The following ADAMTS12 variants were observed in gnomAD, a reference collection of about 807,000 sequenced individuals.
ADAMTS12 encodes A disintegrin and metalloproteinase with thrombospondin motifs 12.
ADAMTS12 carries 118 observed loss-of-function variants against 167.8 expected under a neutral mutation model. The ratio of observed to expected loss-of-function variants is 0.70; its 90% CI spans 0.61 to 0.82. The LOEUF is 0.82. Ranked by LOEUF, ADAMTS12 falls within the 40% of genes least tolerant of loss-of-function variation. The probability of loss-of-function intolerance (pLI) is 0.00; values close to 1 mark genes in which losing one functional copy is unlikely to be tolerated. For synonymous variants in ADAMTS12, 704 were observed against 716.9 expected, an observed-to-expected ratio of 0.98 and a Z score of 0.29; for missense variants, 1,916 against 1,998.8, an observed-to-expected ratio of 0.96 and a Z score of 0.79.
intron 5 of ADAMTS12, among the ~76,000 whole-genome samples, chr5:33,672,329 CACACACATACAT>C (rs1282950991): frequency 6.6e-6 from 1 of 151,362 alleles, no homozygotes; most frequent in African/African-American, 2.4e-5. Flanking sequence ...TCCACATACA[CACACACATACAT>C]ACACACACAT....
chr5:33,751,601 T>A (rs1744984182), intron 2 of ADAMTS12, 53 bp from the exon 3 acceptor site: 1 of 1,575,452 alleles, frequency 6.3e-7, no homozygotes, highest in African/African-American at 1.4e-5. Flanking sequence ...ACATACCTAC[T>A]AAAAACAAAG....
At chr5:33,843,860 G>A (rs1748841313) in intron 2 of ADAMTS12, among the ~76,000 whole-genome samples, 1 of 152,168 alleles carries the variant, frequency 6.6e-6, no homozygotes, top group African/African-American at 2.4e-5. Flanking sequence ...TACACAGAAT[G>A]GCACACAATT....
chr5:33,867,239 GA>G (rs1277973204), intron 2 of ADAMTS12, among the ~76,000 whole-genome samples: 2 of 152,106 alleles, frequency 1.3e-5, no homozygotes, highest in Non-Finnish European at 2.9e-5. Context: ...AATGGATAAA[GA>G]AAATGTGGTA....
chr5:33,861,824 C>G (rs1749628017), intron 2 of ADAMTS12, among the ~76,000 whole-genome samples: 1 of 152,148 alleles, frequency 6.6e-6, no homozygotes, highest in South Asian at 2.1e-4. Flanking sequence ...TCATAACAAA[C>G]AGACTCTCAG....
rs939073319 is a variant in ADAMTS12, at chr5:33,525,461, A to G, written c.*1727T>C. ...AAAAAAATAAAAAGCACATAATATT[A>G]AATCTTAAATTCAAGGTACCCAAGC... On this transcript the variant is annotated 3_prime_UTR_variant, in exon 24 of 24. Transcript: ENST00000504830. 2.0e-5 allele frequency: 3 copies of G among 152,318 alleles called. No individual in the cohort carries two copies. The highest frequency in any genetic ancestry group is 7.2e-5 in the African/African-American group (3 of 41,572). The allele number at this position is 152,318 out of a possible 1,614,324, so 9.4% of individuals were successfully genotyped here. A position where few individuals can be genotyped will look rare whatever the true frequency, so the allele number is the denominator to read the frequency against.
chr5:33,828,929 T>G (rs559418152), intron 2 of ADAMTS12, among the ~76,000 whole-genome samples: 1 of 152,136 alleles, frequency 6.6e-6, no homozygotes, highest in Non-Finnish European at 1.5e-5. Context: ...ATTTATCTTT[T>G]CCTATTGAAA....
At chr5:33,751,777 T>C (rs1327231570) in intron 2 of ADAMTS12, among the ~76,000 whole-genome samples, 7 of 152,328 alleles carry the variant, frequency 4.6e-5, no homozygotes, top group Non-Finnish European at 7.4e-5. Flanking sequence ...TGTGACCTTA[T>C]TGAAAAAAGT....
intron 3 of ADAMTS12, among the ~76,000 whole-genome samples, chr5:33,697,853 T>G (rs1484031441): frequency 6.6e-6 from 1 of 152,272 alleles, no homozygotes; most frequent in Non-Finnish European, 1.5e-5. Context: ...GAATAAAGGT[T>G]CTCATGCCCC....
At position 33,549,308 on chromosome 5, in the gene ADAMTS12, T is replaced by C. The variant is rs773706720; in HGVS notation, c.4201A>G (p.Arg1401Gly). ...GCCAGGAACTGGCAGTGAAATGGCC[T>C]CAGGTTCCGGTGGTCCCGGCTGTCC... ...CVDSRDHRNL[R>G]PFHCQFLAGI... is the part of the protein sequence containing the mutation. The change falls in exon 21 of 24, where the codon AGG (arginine) becomes GGG (glycine). Residue 1401 changes from arginine to glycine, a missense_variant. By Grantham distance (125) the Arg-to-Gly change is moderately radical. Coordinates refer to ENST00000504830, the MANE Select transcript of ADAMTS12 (RefSeq NM_030955.4). The C allele has an allele frequency of 1.9e-6, 3 of 1,614,124 alleles. No homozygotes were observed. Among genetic ancestry groups the C allele is most frequent in the East Asian group, 2.2e-5 (1 of 44,872 alleles).
rs1747492352 is a variant in ADAMTS12, at chr5:33,588,820, A to G, written c.2655-11T>C. ...TCCCCTGCCCACCACCTGCAGGCAAACATGGATATGTGAGAGAAGATCGCC... is the reference window on the plus strand; with the variant it reads ...TCCCCTGCCCACCACCTGCAGGCAAGCATGGATATGTGAGAGAAGATCGCC... On this transcript the variant is annotated splice_polypyrimidine_tract_variant and intron_variant, in intron 17 of 23. Transcript: ENST00000504830. 2 of 1,612,170 alleles carry G rather than the reference A, an allele frequency of 1.2e-6. No homozygotes were observed. Among genetic ancestry groups the G allele is most frequent in the Non-Finnish European group, 1.7e-6 (2 of 1,179,968 alleles).
intron 7 of ADAMTS12, among the ~76,000 whole-genome samples, chr5:33,656,439 G>A (rs937339458): frequency 7.2e-5 from 11 of 152,208 alleles, no homozygotes; most frequent in African/African-American, 2.4e-4. Context: ...TGCCCAGGAA[G>A]TTAAGTCCAT....
chr5:33,615,355 T>A (rs1245381508), intron 15 of ADAMTS12, among the ~76,000 whole-genome samples: 2 of 152,228 alleles, frequency 1.3e-5, no homozygotes, highest in Non-Finnish European at 2.9e-5. Context: ...CCACTCCTTT[T>A]CTACAGTTCT....
At chr5:33,603,156 T>G (rs1175143071) in intron 16 of ADAMTS12, among the ~76,000 whole-genome samples, 1 of 152,182 alleles carries the variant, frequency 6.6e-6, no homozygotes, top group Non-Finnish European at 1.5e-5. Flanking sequence ...TTTCCAGCAG[T>G]AGGGCCATTC....
chr5:33,572,591 A>G (rs1746420096), intron 19 of ADAMTS12, among the ~76,000 whole-genome samples: 3 of 137,662 alleles, frequency 2.2e-5, no homozygotes, highest in African/African-American at 5.6e-5. Context: ...TATTGATGGG[A>G]CGTATCTCAA....
intron 2 of ADAMTS12, among the ~76,000 whole-genome samples, chr5:33,778,511 C>T (rs1298781144): frequency 6.7e-6 from 1 of 148,920 alleles, no homozygotes; most frequent in East Asian, 1.9e-4. Context: ...ATACCATATA[C>T]AAAAATTAAC....
At chr5:33,629,772 A>T in intron 13 of ADAMTS12, among the ~76,000 whole-genome samples, 1 of 152,200 alleles carries the variant, frequency 6.6e-6, no homozygotes, top group East Asian at 1.9e-4. Flanking sequence ...TCTTTCCTTT[A>T]AAAATTTTCA....
intron 5 of ADAMTS12, among the ~76,000 whole-genome samples, chr5:33,673,187 CCTT>C (rs1182567611): frequency 6.6e-6 from 1 of 152,082 alleles, no homozygotes; most frequent in Non-Finnish European, 1.5e-5. Flanking sequence ...CTCTGTGAGC[CCTT>C]CTTCTTCTGT....
chr5:33,594,283 C>T (rs530595484), intron 17 of ADAMTS12, among the ~76,000 whole-genome samples: 11 of 152,192 alleles, frequency 7.2e-5, no homozygotes, highest in Non-Finnish European at 1.3e-4. Flanking sequence ...CCTTCTGCCA[C>T]GATTGTGAGG....
chr5:33,794,817 G>C (rs1156591229), intron 2 of ADAMTS12, among the ~76,000 whole-genome samples: 1 of 152,160 alleles, frequency 6.6e-6, no homozygotes, highest in Non-Finnish European at 1.5e-5. Context: ...CAGAACTTAA[G>C]AGTAGGAAAG....
Sources: gnomAD v4.1 joint callset for allele counts (sites outside exome capture counted in the v4.1 genomes callset) on GRCh38, gnomAD v4.1.1 for gene constraint, MANE v1.5 for transcripts, NCBI Gene and HGNC (gene_info 2026-07-23, HGNC 2026-07-21) for gene names.